The following TRPM1 variants were observed in gnomAD, a reference collection of about 807,000 sequenced individuals.
The protein encoded by TRPM1 is transient receptor potential cation channel subfamily M member 1, also known as TRPM1-203 APA Isoform, Intron 10.
TRPM1 carries 113 observed loss-of-function variants against 149.4 expected under a neutral mutation model. The observed-to-expected ratio is 0.76, with a 90% CI of 0.65 to 0.88. TRPM1 has a LOEUF of 0.88. Ranked by LOEUF, TRPM1 falls within the 40% of genes least tolerant of loss-of-function variation. TRPM1 has a pLI of 0.00. For synonymous variants in TRPM1, 741 were observed against 759.5 expected (o/e 0.98, Z 0.40); for missense variants, 1,976 against 2,038.7 (o/e 0.97, Z 0.59).
At position 31,070,366 on chromosome 15, in the gene TRPM1, G is replaced by T. The variant is rs564919154; in HGVS notation, c.84-140C>A. Reference sequence around the variant, plus strand: ...ACTTCAGTAAGCCAGCGTTATTAGGGACAGAAATGCCCCATCTGATGGCCT... The same window carrying T: ...ACTTCAGTAAGCCAGCGTTATTAGGTACAGAAATGCCCCATCTGATGGCCT... On this transcript the variant is annotated intron_variant, in intron 3 of 27. Coordinates refer to ENST00000256552, the MANE Select transcript of TRPM1 (RefSeq NM_001252024.2). 3.8e-4 allele frequency: 305 copies of T among 811,682 alleles called. 1 individual carries two copies. The highest frequency in any genetic ancestry group is 1.5e-3 in the South Asian group (109 of 72,456). 50.3% of individuals were successfully genotyped at this position (811,682 alleles called of 1,614,324 possible). A position where few individuals can be genotyped will look rare whatever the true frequency, so the allele number is the denominator to read the frequency against.
At position 31,049,300 on chromosome 15, in the gene TRPM1, T is replaced by A. The variant is rs1029661769; in HGVS notation, c.1572+75A>T. ...GAAGGAGGTCAGATGAGCACATTTA[T>A]GCACAATATGCACCAGTGACAAACA... On this transcript the variant is annotated intron_variant, in intron 13 of 27. Transcript: ENST00000256552. The A allele has an allele frequency of 3.1e-6, 5 of 1,606,782 alleles. No homozygotes were observed. In the African/African-American group the frequency reaches 6.7e-5, roughly 21 times the overall value.
chr15:31,061,419 G>A, intron 10 of TRPM1, 23 bp downstream of exon 10: 4 of 1,611,712 alleles, frequency 2.5e-6, no homozygotes, highest in Non-Finnish European at 3.4e-6. Context: ...AGGGACAGGA[G>A]TCACCATTTC....
At chr15:31,112,244 C>T (rs1164869016) in intron 1 of TRPM1, among the ~76,000 whole-genome samples, 1 of 152,000 alleles carries the variant, frequency 6.6e-6, no homozygotes, top group Non-Finnish European at 1.5e-5. Context: ...TTTAGGAGGC[C>T]GAGGTGGGTG....
At chr15:31,013,123 G>T (rs984068280) in intron 27 of TRPM1, among the ~76,000 whole-genome samples, 1 of 151,432 alleles carries the variant, frequency 6.6e-6, no homozygotes, top group African/African-American at 2.4e-5. Flanking sequence ...TAGGACTACC[G>T]GCACCACCAT....
chr15:31,089,671 C>T (rs569289958), intron 1 of TRPM1, among the ~76,000 whole-genome samples: 23 of 152,334 alleles, frequency 1.5e-4, no homozygotes, highest in Non-Finnish European at 2.1e-4. Context: ...GACGGTTCAC[C>T]CTATGATTGA....
At chr15:31,103,558 A>G (rs894987489), upstream of TRPM1, among the ~76,000 whole-genome samples, 1 of 152,230 alleles carries the variant, frequency 6.6e-6, no homozygotes, top group African/African-American at 2.4e-5. Flanking sequence ...CACGCCTGCA[A>G]TTCCAGCACT....
At chr15:31,072,413 CTATT>C (rs750394012) in intron 3 of TRPM1, among the ~76,000 whole-genome samples, 3 of 152,092 alleles carry the variant, frequency 2.0e-5, no homozygotes, top group Non-Finnish European at 4.4e-5. Context: ...TTTTGTTTAT[CTATT>C]TATCATTTAA....
chr15:31,020,716 A>C (rs1023674097), intron 27 of TRPM1, among the ~76,000 whole-genome samples: 1 of 152,166 alleles, frequency 6.6e-6, no homozygotes, highest in Non-Finnish European at 1.5e-5. Flanking sequence ...TTTCATTAGT[A>C]ATGCTCTGAC....
intron 1 of TRPM1, among the ~76,000 whole-genome samples, chr15:31,133,289 A>G (rs1308174422): frequency 3.3e-5 from 5 of 151,696 alleles, no homozygotes; most frequent in East Asian, 1.9e-4. Flanking sequence ...AATACAAAAA[A>G]TTAGCCAGTG....
At chr15:31,038,470 T>A (rs1042160640) in intron 18 of TRPM1, among the ~76,000 whole-genome samples, 7 of 152,242 alleles carry the variant, frequency 4.6e-5, no homozygotes, top group Non-Finnish European at 7.3e-5. Context: ...CCAGCACTTT[T>A]GGGAGGCCAA....
In TRPM1 at chr15:31,076,968, A is replaced by G. The variant is rs1219884270; in HGVS notation, c.20T>C (p.Ile7Thr). Residue 7 changes from isoleucine (I) to threonine (T), a missense_variant, in exon 3 of 28, where the codon ATA becomes ACA. Ile to Thr is a moderately conservative substitution (Grantham distance 89). Around this residue, in one of 3 missense-constraint regions of TRPM1, gnomAD observed 1,332 missense variants for 1,347.1 expected, o/e 0.99. Transcript: ENST00000256552. The stretch of plus-strand genomic sequence containing the variant: ...TTCCCGTTTGCAAAAGGTTTTCTCT[A>G]TCCAAGATTTCTGACCCTGGAAGAG... Reference protein sequence around the residue: MGQKSWIEKTFCKRECI... With the variant: MGQKSWTEKTFCKRECI... The G allele has an allele frequency of 1.2e-6, 2 of 1,612,264 alleles. No individual in the cohort carries two copies. The highest frequency in any genetic ancestry group is 1.1e-5 in the South Asian group (1 of 91,060).
intron 10 of TRPM1, 45 bp from the exon 11 acceptor site, chr15:31,060,689 A>T: frequency 6.5e-7 from 1 of 1,539,576 alleles, no homozygotes; most frequent in Non-Finnish European, 9.0e-7. Context: ...CCACGCCTGG[A>T]CCGCCAGGGT....
At chr15:31,045,794 A>G (rs1023511843) in intron 16 of TRPM1, among the ~76,000 whole-genome samples, 23 of 152,214 alleles carry the variant, frequency 1.5e-4, no homozygotes, top group African/African-American at 5.3e-4. Flanking sequence ...CTGCTGAGAG[A>G]TGGTCATAGA....
chr15:31,088,150 G>A (rs2035054325), intron 1 of TRPM1, among the ~76,000 whole-genome samples: 1 of 152,138 alleles, frequency 6.6e-6, no homozygotes, highest in Non-Finnish European at 1.5e-5. Flanking sequence ...TCAGCACTCT[G>A]TGTCTAGCTA....
At chr15:31,069,035 A>G (rs548019239) in intron 4 of TRPM1, among the ~76,000 whole-genome samples, 1 of 152,354 alleles carries the variant, frequency 6.6e-6, no homozygotes, top group African/African-American at 2.4e-5. Flanking sequence ...GTTTCAGTAC[A>G]ACATTTTTAT....
chr15:31,090,094 C>T (rs1299894829), intron 1 of TRPM1, among the ~76,000 whole-genome samples: 1 of 152,116 alleles, frequency 6.6e-6, no homozygotes, highest in Non-Finnish European at 1.5e-5. Context: ...CCTCTGCAAC[C>T]CTAGCCCCTA....
At chr15:31,113,661 C>T (rs914872008) in intron 1 of TRPM1, among the ~76,000 whole-genome samples, 2 of 151,958 alleles carry the variant, frequency 1.3e-5, no homozygotes, top group East Asian at 1.9e-4. Context: ...AGTTTTTTGC[C>T]CTCCATCACC....
intron 3 of TRPM1, chr15:31,070,455 C>T: frequency 1.4e-6 from 1 of 700,928 alleles, no homozygotes; most frequent in Non-Finnish European, 2.6e-6. Flanking sequence ...TGGATGGTTG[C>T]TCTTTCGGAA....
At chr15:31,116,762 AGAGAGAGAGAAAAAAAAGATGCTG>A (rs140699693) in intron 1 of TRPM1, among the ~76,000 whole-genome samples, 4,750 of 152,206 alleles carry the variant, frequency 0.031, 253 homozygotes, top group African/African-American at 0.11. Context: ...CAAAGATAAC[AGAGAGAGAGAAAAAAAAGATGCTG>A]GAGGAAAGTG....
Sources: allele counts gnomAD v4.1 joint callset (sites outside exome capture counted in the v4.1 genomes callset), GRCh38; gene constraint gnomAD v4.1.1; regional missense constraint gnomAD v4.1.1; transcripts MANE v1.5; gene names NCBI Gene and HGNC (gene_info 2026-07-23, HGNC 2026-07-21).